HS3ST4: variants seen among roughly 807,000 people sequenced by gnomAD.
The protein encoded by HS3ST4 is heparan sulfate-glucosamine 3-sulfotransferase 4.
A neutral mutation model predicts 29.2 loss-of-function variants in HS3ST4; 17 were observed. That is an observed-to-expected ratio of 0.58 (90% CI 0.40 to 0.87). The LOEUF (loss-of-function observed/expected upper bound fraction) is 0.87. Ranked by LOEUF, HS3ST4 falls within the 40% of genes least tolerant of loss-of-function variation. HS3ST4 has a pLI of 0.00. For synonymous variants in HS3ST4, 314 were observed against 285.7 expected, an observed-to-expected ratio of 1.10 and a Z score of -1.00; for missense variants, 627 against 634.5, an observed-to-expected ratio of 0.99 and a Z score of 0.13.
chr16:25,826,157 TCTC>T (rs1190441543), intron 1 of HS3ST4: 3 of 152,224 alleles, frequency 2.0e-5, no homozygotes, highest in Non-Finnish European at 2.9e-5. Context: ...AGAAAGATGA[TCTC>T]CTGCCCCTGC....
At chr16:25,780,410 C>T (rs773247238) in intron 1 of HS3ST4, among the ~76,000 whole-genome samples, 1 of 152,160 alleles carries the variant, frequency 6.6e-6, no homozygotes, top group Non-Finnish European at 1.5e-5. Context: ...GTCTGTCTCT[C>T]TCTGCATCGG....
intron 1 of HS3ST4, among the ~76,000 whole-genome samples, chr16:26,107,114 C>T (rs950963304): frequency 3.3e-5 from 5 of 152,046 alleles, no homozygotes; most frequent in African/African-American, 1.2e-4. Context: ...TTTCCATCAA[C>T]TCTCATTACC....
chr16:25,721,727 G>A (rs1361190136), intron 1 of HS3ST4, among the ~76,000 whole-genome samples: 2 of 152,200 alleles, frequency 1.3e-5, no homozygotes, highest in East Asian at 3.9e-4. Flanking sequence ...GTGGGATACT[G>A]CCCAGTGCAA....
intron 1 of HS3ST4, among the ~76,000 whole-genome samples, chr16:25,892,876 T>C (rs1968023925): frequency 6.6e-6 from 1 of 152,156 alleles, no homozygotes; most frequent in South Asian, 2.1e-4. Flanking sequence ...GACAGCAAAG[T>C]CCTTGACCTC....
At chr16:26,023,841 C>T (rs934347669) in intron 1 of HS3ST4, among the ~76,000 whole-genome samples, 2 of 152,168 alleles carry the variant, frequency 1.3e-5, no homozygotes, top group Non-Finnish European at 2.9e-5. Flanking sequence ...TGGCTTGTCA[C>T]TTATAAGTTG....
intron 1 of HS3ST4, among the ~76,000 whole-genome samples, chr16:26,042,479 T>C (rs1015950123): frequency 1.4e-4 from 21 of 152,142 alleles, no homozygotes; most frequent in African/African-American, 5.1e-4. Flanking sequence ...CTCTTTAACA[T>C]CCATTATTTC....
rs183196937 is a variant in HS3ST4 at position 25,856,550 on chromosome 16, C to T, written c.734+163399C>T. ...AGAGGACATGGAAGCTTTACACCAG[C>T]GGTGTCCAATCTTTTGACTTCCTGG... On this transcript the variant is annotated intron_variant, in intron 1 of 1. Coordinates refer to ENST00000331351, the MANE Select transcript of HS3ST4 (RefSeq NM_006040.3). Among the ~76,000 whole-genome samples the T allele has an allele frequency of 5.9e-5, 9 of 152,226 alleles. No homozygotes were observed. In the East Asian group the frequency reaches 9.7e-4, roughly 16 times the overall value.
At chr16:26,076,177 A>G (rs771140187) in intron 1 of HS3ST4, among the ~76,000 whole-genome samples, 4 of 152,214 alleles carry the variant, frequency 2.6e-5, no homozygotes, top group Non-Finnish European at 4.4e-5. Context: ...CAGATGATAT[A>G]CTAACAGCAG....
At chr16:25,950,840 A>G in intron 1 of HS3ST4, among the ~76,000 whole-genome samples, 1 of 152,158 alleles carries the variant, frequency 6.6e-6, no homozygotes, top group East Asian at 1.9e-4. Flanking sequence ...GGATTAAGTC[A>G]AATAACATAT....
intron 1 of HS3ST4, among the ~76,000 whole-genome samples, chr16:26,046,352 T>C (rs1290374255): frequency 6.6e-6 from 1 of 152,074 alleles, no homozygotes; most frequent in Non-Finnish European, 1.5e-5. Context: ...GTTTTTACCA[T>C]GTTGGCCAGG....
At chr16:25,968,420 G>A (rs1441359947) in intron 1 of HS3ST4, among the ~76,000 whole-genome samples, 2 of 152,084 alleles carry the variant, frequency 1.3e-5, no homozygotes, top group South Asian at 2.1e-4. Context: ...AGCCGTGGTC[G>A]CCCCTTAGAT....
rs1461426564 is a variant in HS3ST4 at position 25,803,865 on chromosome 16, T to C, written c.734+110714T>C. 2.0e-5 allele frequency among the ~76,000 whole-genome samples: 3 copies of C among 152,162 alleles called. No homozygotes were observed. In the East Asian group the frequency reaches 5.8e-4, roughly 29 times the overall value. On this transcript the variant is annotated intron_variant, in intron 1 of 1. Coordinates refer to ENST00000331351, the MANE Select transcript of HS3ST4 (RefSeq NM_006040.3). ...TCCTTGGTAGAACTAAAAATCACAA[T>C]GTGTGTCTAGAAGTGCTTTATTTTC...
At chr16:26,082,031 G>A (rs1194162199) in intron 1 of HS3ST4, among the ~76,000 whole-genome samples, 1 of 152,128 alleles carries the variant, frequency 6.6e-6, no homozygotes, top group East Asian at 1.9e-4. Flanking sequence ...CTGTCCTCAG[G>A]TGATTCACCC....
At chr16:25,883,145 A>ATTT (rs10581302) in intron 1 of HS3ST4, among the ~76,000 whole-genome samples, 2 of 142,060 alleles carry the variant, frequency 1.4e-5, no homozygotes, top group Admixed American at 7.1e-5. Flanking sequence ...GGCCCATACG[A>ATTT]TTTTTTTTTT....
chr16:25,827,717 T>C (rs1270996003), intron 1 of HS3ST4, among the ~76,000 whole-genome samples: 2 of 152,146 alleles, frequency 1.3e-5, no homozygotes, highest in East Asian at 1.9e-4. Flanking sequence ...GTTTAAACTT[T>C]AAAATGGTAA....
chr16:26,016,632 G>GTACTACCATAAATGTACTACCA, intron 1 of HS3ST4, among the ~76,000 whole-genome samples: 1 of 152,106 alleles, frequency 6.6e-6, no homozygotes, highest in Non-Finnish European at 1.5e-5. Context: ...CTTACCATCT[G>GTACTACCATAAATGTACTACCA]TTTATGGCAG....
intron 1 of HS3ST4, among the ~76,000 whole-genome samples, chr16:25,744,024 A>G (rs773086320): frequency 2.0e-5 from 3 of 152,174 alleles, no homozygotes; most frequent in Non-Finnish European, 4.4e-5. Context: ...ACTTGACTCC[A>G]TTCTGAACCA....
At chr16:25,982,504 A>G (rs781630892) in intron 1 of HS3ST4, among the ~76,000 whole-genome samples, 8 of 152,176 alleles carry the variant, frequency 5.3e-5, no homozygotes, top group Middle Eastern at 3.2e-3. Flanking sequence ...TCTTAATAAA[A>G]TAGAACAGAC....
In HS3ST4 at chr16:26,120,080, T is replaced by TGTATG. The variant is rs1555485148; in HGVS notation, c.735-15530_735-15529insATGGT. On this transcript the variant is annotated intron_variant, in intron 1 of 1. Coordinates refer to ENST00000331351, the MANE Select transcript of HS3ST4 (RefSeq NM_006040.3). ...GTGTGTGTGTGTGTGTATGTGTGTGTGTGTGTGTGTGTATATGTGTGTGAC... is the reference window on the plus strand; with the variant it reads ...GTGTGTGTGTGTGTGTATGTGTGTGTGTATGGTGTGTGTGTGTATATGTGTGTGAC... Among the ~76,000 whole-genome samples the TGTATG allele has an allele frequency of 4.4e-5, 6 of 136,598 alleles. No individual in the cohort carries two copies. In the Admixed American group the frequency reaches 4.5e-4, roughly 10 times the overall value. 89.6% of individuals were successfully genotyped at this position (136,598 alleles called of 152,430 possible). A position where few individuals can be genotyped will look rare whatever the true frequency, so the allele number is the denominator to read the frequency against.
Sources: allele counts gnomAD v4.1 joint callset (sites outside exome capture counted in the v4.1 genomes callset), GRCh38; gene constraint gnomAD v4.1.1; transcripts MANE v1.5; gene names NCBI Gene and HGNC (gene_info 2026-07-23, HGNC 2026-07-21).